GLIS1: variants seen among roughly 807,000 people sequenced by gnomAD.
GLIS1 encodes the protein zinc finger protein GLIS1.
In GLIS1, 24 loss-of-function variants were observed where a neutral mutation model predicts 63.8. That is an observed-to-expected ratio of 0.38 (90% CI 0.27 to 0.53). The LOEUF is 0.53. Among genes scored for constraint, GLIS1 ranks in the 20% least tolerant of loss-of-function variants. The pLI is 0.85. For synonymous variants in GLIS1, 450 were observed against 482.5 expected, an observed-to-expected ratio of 0.93 and a Z score of 0.88; for missense variants, 1,036 against 1,074.1, an observed-to-expected ratio of 0.96 and a Z score of 0.50.
chr1:53,529,453 C>T (rs183085599), intron 5 of GLIS1, among the ~76,000 whole-genome samples: 20 of 152,284 alleles, frequency 1.3e-4, no homozygotes, highest in South Asian at 2.1e-4. Context: ...AGGCTGTGCA[C>T]GGCTCTGGTG....
At chr1:53,724,740 G>A (rs1333383790) in intron 2 of GLIS1, among the ~76,000 whole-genome samples, 1 of 152,094 alleles carries the variant, frequency 6.6e-6, no homozygotes, top group African/African-American at 2.4e-5. Context: ...GGCTGGTCTT[G>A]AACTCCTGGC....
chr1:53,632,748 CGT>C (rs1163816876), intron 2 of GLIS1, among the ~76,000 whole-genome samples: 3 of 129,612 alleles, frequency 2.3e-5, no homozygotes, highest in Non-Finnish European at 4.9e-5. Context: ...GACCGAGGGG[CGT>C]GTGTATGAGT....
intron 2 of GLIS1, among the ~76,000 whole-genome samples, chr1:53,647,098 A>G (rs1645855136): frequency 6.6e-6 from 1 of 152,214 alleles, no homozygotes; most frequent in South Asian, 2.1e-4. Context: ...CCAAATGTGA[A>G]TTTAGAAATT....
At chr1:53,663,597 T>C (rs938305178) in intron 2 of GLIS1, among the ~76,000 whole-genome samples, 2 of 152,350 alleles carry the variant, frequency 1.3e-5, no homozygotes, top group East Asian at 3.9e-4. Context: ...CCTTCACGGC[T>C]GTGTGCCACA....
At chr1:53,642,820 C>T (rs890430164) in intron 2 of GLIS1, among the ~76,000 whole-genome samples, 7 of 152,172 alleles carry the variant, frequency 4.6e-5, no homozygotes, top group Admixed American at 3.3e-4. Context: ...CCAGGCTGCC[C>T]GGCCTCCCCA....
intron 2 of GLIS1, among the ~76,000 whole-genome samples, chr1:53,607,630 G>A (rs1415144743): frequency 3.3e-5 from 5 of 152,200 alleles, no homozygotes; most frequent in Non-Finnish European, 7.3e-5. Flanking sequence ...TGCAAGGCCA[G>A]CTCTATTAGA....
chr1:53,533,916 GCCCAGTAGGCAAGTAT>G (rs1431051029), intron 4 of GLIS1, among the ~76,000 whole-genome samples: 18 of 152,152 alleles, frequency 1.2e-4, no homozygotes, highest in African/African-American at 3.9e-4. Context: ...CTTCTTCACT[GCCCAGTAGGCAAGTAT>G]TACTGTCTCC....
At chr1:53,734,287 A>C in intron 2 of GLIS1, 1 of 749,498 alleles carries the variant, frequency 1.3e-6, no homozygotes, top group Non-Finnish European at 1.6e-6. Context: ...GGACAAATGG[A>C]ATCATGTGGT....
At chr1:53,550,451 C>T (rs1644746790) in intron 4 of GLIS1, among the ~76,000 whole-genome samples, 2 of 152,236 alleles carry the variant, frequency 1.3e-5, no homozygotes, top group South Asian at 2.1e-4. Context: ...CACACTCACA[C>T]TGAGTTAGGT....
intron 7 of GLIS1, 112 bp downstream of exon 7, chr1:53,520,522 C>T (rs2100292672): frequency 8.0e-7 from 1 of 1,255,724 alleles, no homozygotes; most frequent in East Asian, 2.8e-5. Flanking sequence ...TGAGTGCCTG[C>T]AACATGTCAT....
At chr1:53,656,570 A>T (rs769992028) in intron 2 of GLIS1, among the ~76,000 whole-genome samples, 3 of 152,228 alleles carry the variant, frequency 2.0e-5, no homozygotes, top group African/African-American at 2.4e-5. Flanking sequence ...GACATGAAGA[A>T]CACATCTTAT....
intron 2 of GLIS1, among the ~76,000 whole-genome samples, chr1:53,687,416 T>A (rs571595588): frequency 3.2e-4 from 49 of 152,262 alleles, no homozygotes; most frequent in South Asian, 2.1e-3. Flanking sequence ...GGACAACATC[T>A]ATCACCCGGT....
At chr1:53,656,193 G>A (rs1645963631) in intron 2 of GLIS1, among the ~76,000 whole-genome samples, 2 of 152,196 alleles carry the variant, frequency 1.3e-5, no homozygotes, top group African/African-American at 4.8e-5. Context: ...ACCTAGGGAA[G>A]CAGAGCCCCA....
chr1:53,703,218 C>T (rs138851620), intron 2 of GLIS1, among the ~76,000 whole-genome samples: 11 of 152,338 alleles, frequency 7.2e-5, no homozygotes, highest in Middle Eastern at 3.4e-3. Context: ...ATTTTCACCA[C>T]CACTCTACAA....
At chr1:53,690,759 G>A (rs1194040317) in intron 2 of GLIS1, among the ~76,000 whole-genome samples, 2 of 152,188 alleles carry the variant, frequency 1.3e-5, no homozygotes, top group Admixed American at 6.5e-5. Flanking sequence ...TCCGGCAGAG[G>A]GGTTGGCATC....
At chr1:53,738,477 G>A (rs1426246573) in intron 1 of GLIS1, among the ~76,000 whole-genome samples, 2 of 152,192 alleles carry the variant, frequency 1.3e-5, no homozygotes, top group Non-Finnish European at 2.9e-5. Flanking sequence ...CGGAGCCGGC[G>A]GCAACGAGGA....
At chr1:53,533,024 G>A (rs1340925920) in intron 4 of GLIS1, among the ~76,000 whole-genome samples, 3 of 152,280 alleles carry the variant, frequency 2.0e-5, no homozygotes, top group Non-Finnish European at 4.4e-5. Flanking sequence ...GTGATCTGCA[G>A]GAGTGAGACT....
intron 6 of GLIS1, among the ~76,000 whole-genome samples, chr1:53,524,235 G>C (rs995017621): frequency 6.6e-6 from 1 of 152,168 alleles, no homozygotes; most frequent in Non-Finnish European, 1.5e-5. Flanking sequence ...CCCACTCCGC[G>C]CTCACACCCC....
intron 7 of GLIS1, among the ~76,000 whole-genome samples, chr1:53,519,620 GA>G (rs1202816938): frequency 6.6e-6 from 1 of 152,158 alleles, no homozygotes; most frequent in African/African-American, 2.4e-5. Context: ...ACAAAGCCAG[GA>G]ATTCCTGCTG....
Sources: allele counts gnomAD v4.1 joint callset (sites outside exome capture counted in the v4.1 genomes callset), GRCh38; gene constraint gnomAD v4.1.1; transcripts MANE v1.5; gene names NCBI Gene and HGNC (gene_info 2026-07-23, HGNC 2026-07-21).